RNASET2: variants seen among roughly 807,000 people sequenced by gnomAD.
The protein encoded by RNASET2 is ribonuclease 6.
In RNASET2, 28 loss-of-function variants were observed where a neutral mutation model predicts 33.9. The observed-to-expected ratio is 0.83, with a 90% CI of 0.61 to 1.13. RNASET2 has a LOEUF of 1.13. Among genes scored for constraint, RNASET2 ranks in the 50% most tolerant of loss-of-function variants. The pLI is 0.00. For missense variants in RNASET2, 330 were observed against 319.9 expected (o/e 1.03, Z -0.24); for synonymous variants, 123 against 121.0 (o/e 1.02, Z -0.11).
At chr6:166,943,838 T>C (rs138466421) in intron 4 of RNASET2, 275 of 451,330 alleles carry the variant, frequency 6.1e-4, no homozygotes, top group African/African-American at 5.2e-3. Flanking sequence ...TCTAAAAACA[T>C]TGGCCGGGCA....
At chr6:166,955,327 GCACGCACGCA>G (rs1246789475) in intron 1 of RNASET2, among the ~76,000 whole-genome samples, 3 of 57,596 alleles carry the variant, frequency 5.2e-5, no homozygotes, top group Non-Finnish European at 8.8e-5. Context: ...GCACACACAC[GCACGCACGCA>G]CACGCACACG....
intron 1 of RNASET2, chr6:166,955,740 A>C: frequency 8.8e-7 from 1 of 1,139,304 alleles, no homozygotes; most frequent in South Asian, 2.1e-5. Context: ...TCCCCAACCC[A>C]CTTCTTCCCA....
At position 166,924,993 on chromosome 6, in the gene RNASET2, C is replaced by T. The variant is rs1173491231; in HGVS notation, c.*4595G>A. ...AAGTACAGGCCTCACCTCCACCGCG[C>T]AGGCCTCATCTACGCCATCCAGCCC... is the stretch of plus-strand genomic sequence containing the variant. On this transcript the variant is annotated 3_prime_UTR_variant, in exon 9 of 9. Coordinates refer to ENST00000508775, the MANE Select transcript of RNASET2 (RefSeq NM_003730.6). Among the ~76,000 whole-genome samples the T allele has an allele frequency of 6.6e-6, 1 of 152,162 alleles. No individual in the cohort carries two copies. Among genetic ancestry groups the T allele is most frequent in the African/African-American group, 2.4e-5 (1 of 41,438 alleles).
At position 166,929,712 on chromosome 6, in the gene RNASET2, G is replaced by T; in HGVS notation, c.647C>A (p.Pro216Gln). Residue 216 changes from proline (P) to glutamine (Q), a missense_variant, in exon 9 of 9, where the codon CCG becomes CAG. Transcript: ENST00000508775. ...QDQQLQNCTE[P>Q]GEQPSPKQEV... ...CTGCTTGGGGGACGGCTGCTCCCCC[G>T]GCTCGGTGCAGTTTTGCAGCTGCTG... is the stretch of plus-strand genomic sequence containing the variant. 1.2e-6 allele frequency: 2 copies of T among 1,614,088 alleles called. No individual in the cohort carries two copies. Among genetic ancestry groups the T allele is most frequent in the Non-Finnish European group, 1.7e-6 (2 of 1,180,036 alleles).
chr6:166,948,431 T>C (rs1359254287), intron 3 of RNASET2, 139 bp downstream of exon 3: 1 of 722,758 alleles, frequency 1.4e-6, no homozygotes, highest in Non-Finnish European at 2.6e-6. Context: ...AGACTAAAGA[T>C]ATTTTTAAAT....
At chr6:166,955,337 ACACG>A (rs1554270107) in intron 1 of RNASET2, 4 of 134,052 alleles carry the variant, frequency 3.0e-5, no homozygotes, top group African/African-American at 5.6e-5. Context: ...GCACGCACGC[ACACG>A]CACACGCACG....
intron 6 of RNASET2, among the ~76,000 whole-genome samples, chr6:166,935,404 T>C (rs577948653): frequency 2.0e-5 from 3 of 152,296 alleles, no homozygotes; most frequent in African/African-American, 7.2e-5. Context: ...ACACGTCTAT[T>C]GGGTAGCATG....
intron 1 of RNASET2, 119 bp downstream of exon 1, chr6:166,955,978 T>C: frequency 2.2e-6 from 2 of 907,746 alleles, no homozygotes; most frequent in Admixed American, 2.4e-5. Context: ...CCCCCCGCCC[T>C]CCCCAGTCGC....
intron 4 of RNASET2, 102 bp from the exon 5 acceptor site, chr6:166,943,191 C>T (rs1262545526): frequency 1.3e-6 from 1 of 779,532 alleles, no homozygotes. Flanking sequence ...TTGAGCTCTG[C>T]TAATTAACAA....
intron 1 of RNASET2, among the ~76,000 whole-genome samples, chr6:166,954,293 CA>C (rs1455656690): frequency 6.6e-6 from 1 of 152,218 alleles, no homozygotes; most frequent in Non-Finnish European, 1.5e-5. Flanking sequence ...CTTGCCTGCT[CA>C]AGTTTGTCCG....
intron 7 of RNASET2, chr6:166,932,756 C>G (rs1778478317): frequency 6.6e-6 from 1 of 152,330 alleles, no homozygotes; most frequent in South Asian, 2.1e-4. Flanking sequence ...AAATGTGTGG[C>G]CCCTGTGGCT....
chr6:166,945,773 T>C (rs916947008), intron 4 of RNASET2, among the ~76,000 whole-genome samples: 5 of 144,768 alleles, frequency 3.5e-5, no homozygotes, highest in African/African-American at 1.3e-4. Context: ...GAGGTTGCAG[T>C]GAGCCAAGAT....
chr6:166,953,774 A>G (rs1028755204), intron 1 of RNASET2, among the ~76,000 whole-genome samples: 1 of 151,868 alleles, frequency 6.6e-6, no homozygotes, highest in Admixed American at 6.6e-5. Flanking sequence ...GCTACTTGGA[A>G]GGCGCTGAGG....
chr6:166,941,762 C>T (rs183918722), intron 5 of RNASET2, among the ~76,000 whole-genome samples: 1 of 152,282 alleles, frequency 6.6e-6, no homozygotes, highest in Non-Finnish European at 1.5e-5. Flanking sequence ...AATCTTCCCA[C>T]CTAAAATTTG....
Position 166,938,539 on chromosome 6 carries a change from T to C in RNASET2, c.446+356A>G, listed in dbSNP as rs55671715. 6.1e-4 allele frequency: 333 copies of C among 546,800 alleles called. 3 individuals are homozygous for C. In the Middle Eastern group the frequency reaches 0.011, roughly 17 times the overall value. The allele number at this position is 546,800 out of a possible 1,614,324, so 33.9% of individuals were successfully genotyped here. A position where few individuals can be genotyped will look rare whatever the true frequency, so the allele number is the denominator to read the frequency against. ...CTACAGACTTCCAGAGTTTCCGTCT[T>C]TCTAAGGAAACGACTTATTAATGCA... On this transcript the variant is annotated intron_variant, in intron 6 of 8. Coordinates refer to ENST00000508775, the MANE Select transcript of RNASET2 (RefSeq NM_003730.6).
At chr6:166,936,578 G>A (rs760905107) in intron 6 of RNASET2, among the ~76,000 whole-genome samples, 1 of 152,196 alleles carries the variant, frequency 6.6e-6, no homozygotes, top group Non-Finnish European at 1.5e-5. Flanking sequence ...TGGCCAGAGA[G>A]GAAGCCAGGG....
rs1778373237 is a variant in RNASET2, at chr6:166,929,703, T to G, written c.656A>C (p.Gln219Pro). The change falls in exon 9 of 9, where the codon CAG becomes CCG. Residue 219 changes from glutamine (Q) to proline (P), a missense_variant. Gln to Pro is a moderately conservative substitution (Grantham distance 76). Transcript: ENST00000508775. ...QLQNCTEPGE[Q>P]PSPKQEVWLA... ...CCAGACTTCCTGCTTGGGGGACGGCTGCTCCCCCGGCTCGGTGCAGTTTTG... is the reference window on the plus strand; with the variant it reads ...CCAGACTTCCTGCTTGGGGGACGGCGGCTCCCCCGGCTCGGTGCAGTTTTG... 1.2e-6 allele frequency: 2 copies of G among 1,614,146 alleles called. No individual in the cohort carries two copies. The highest frequency in any genetic ancestry group is 1.7e-6 in the Non-Finnish European group (2 of 1,180,022).
At position 166,956,292 on chromosome 6, in the gene RNASET2, G is replaced by C. The variant is rs755044804; in HGVS notation, c.-110C>G. ...AACGCTGTCTCCGAGCCCCCGCGCC[G>C]CCGCGCTCCCTCCGCTGCAGCAGCG... On this transcript the variant is annotated 5_prime_UTR_variant, in exon 1 of 9. Transcript: ENST00000508775. 588 of 1,082,806 alleles carry C rather than the reference G, an allele frequency of 5.4e-4. No homozygotes were observed. Among genetic ancestry groups the C allele is most frequent in the Non-Finnish European group, 7.6e-4 (553 of 726,620 alleles). 67.1% of individuals were successfully genotyped at this position (1,082,806 alleles called of 1,614,324 possible).
At chr6:166,955,044 A>AACC (rs1336912635) in intron 1 of RNASET2, among the ~76,000 whole-genome samples, 1 of 91,266 alleles carries the variant, frequency 1.1e-5, no homozygotes, top group Middle Eastern at 4.3e-3. Context: ...TAAGTAAGAA[A>AACC]TCCTATTAAC....
Sources: allele counts gnomAD v4.1 joint callset (sites outside exome capture counted in the v4.1 genomes callset), GRCh38; gene constraint gnomAD v4.1.1; transcripts MANE v1.5; gene names NCBI Gene and HGNC (gene_info 2026-07-23, HGNC 2026-07-21).